Variants in ACTR3C observed in about 807,000 individuals in gnomAD.
ACTR3C encodes the protein actin-related protein 3C.
ACTR3C carries 18 observed loss-of-function variants against 26.3 expected under a neutral mutation model. The observed-to-expected ratio is 0.68, with a 90% CI of 0.47 to 1.01. The LOEUF (loss-of-function observed/expected upper bound fraction) is 1.01, where lower values mean the gene tolerates loss of function less well. ACTR3C is among the 50% of genes least tolerant of loss of function. The pLI, the probability that ACTR3C is intolerant of heterozygous loss-of-function variation, is 0.00. For missense variants in ACTR3C, 184 were observed against 250.7 expected (o/e 0.73, Z 1.80); for synonymous variants, 55 against 94.5 (o/e 0.58, Z 2.42).
chr7:149,904,651 G>T, the ACTR3C span, among the ~76,000 whole-genome samples: 1 of 138,876 alleles, frequency 7.2e-6, no homozygotes, highest in Non-Finnish European at 1.6e-5. Flanking sequence ...TACTCAATTC[G>T]TATCCACGAA....
chr7:149,989,684 T>G, the ACTR3C span, among the ~76,000 whole-genome samples: 1 of 152,222 alleles, frequency 6.6e-6, no homozygotes, highest in African/African-American at 2.4e-5. Context: ...CATCTGTGGA[T>G]GAGCACAGGG....
the ACTR3C span, among the ~76,000 whole-genome samples, chr7:150,015,024 A>C: frequency 6.6e-6 from 1 of 152,290 alleles, no homozygotes; most frequent in African/African-American, 2.4e-5. Flanking sequence ...CCTATGATAC[A>C]ATGGCTCTGA....
chr7:150,035,524 TG>T, the ACTR3C span, among the ~76,000 whole-genome samples: 12 of 87,924 alleles, frequency 1.4e-4, no homozygotes, highest in South Asian at 3.8e-4. Flanking sequence ...CCCACTCTCG[TG>T]GGGGGTGCCT....
At chr7:150,318,441 T>C (rs1464443596) in intron 1 of ACTR3C, among the ~76,000 whole-genome samples, 1 of 152,204 alleles carries the variant, frequency 6.6e-6, no homozygotes, top group East Asian at 1.9e-4. Context: ...ACTGCAGTCC[T>C]GGAAAACTAA....
At chr7:149,984,566 T>A in the ACTR3C span, among the ~76,000 whole-genome samples, 13,714 of 151,130 alleles carry the variant, frequency 0.091, 771 homozygotes, top group Non-Finnish European at 0.13. Flanking sequence ...TCCTTATTCC[T>A]CCACTGTTGA....
At chr7:150,251,441 A>G (rs1174315466) in intron 6 of ACTR3C, among the ~76,000 whole-genome samples, 3 of 152,194 alleles carry the variant, frequency 2.0e-5, no homozygotes, top group Non-Finnish European at 4.4e-5. Flanking sequence ...TTAATTTAAT[A>G]AAAATGCTTT....
chr7:150,241,377 G>A (rs1460528877), downstream of ACTR3C, among the ~76,000 whole-genome samples: 1 of 152,114 alleles, frequency 6.6e-6, no homozygotes, highest in Non-Finnish European at 1.5e-5. Flanking sequence ...GTCATCAATT[G>A]ATTTTCAACA....
At chr7:149,910,316 C>A in the ACTR3C span, among the ~76,000 whole-genome samples, 1 of 152,200 alleles carries the variant, frequency 6.6e-6, no homozygotes, top group African/African-American at 2.4e-5. Context: ...AATCATCTGA[C>A]AAGAGCATCT....
the ACTR3C span, among the ~76,000 whole-genome samples, chr7:149,982,590 G>A: frequency 6.6e-6 from 1 of 152,190 alleles, no homozygotes; most frequent in East Asian, 1.9e-4. Context: ...GCATGACAGG[G>A]CCATGATTCT....
the ACTR3C span, among the ~76,000 whole-genome samples, chr7:150,004,185 A>G: frequency 6.6e-6 from 1 of 150,540 alleles, no homozygotes; most frequent in Non-Finnish European, 1.5e-5. Context: ...ATGATGTCAT[A>G]TGTAGCATGT....
At chr7:150,085,025 C>T in the ACTR3C span, among the ~76,000 whole-genome samples, 2,612 of 152,232 alleles carry the variant, frequency 0.017, 79 homozygotes, top group African/African-American at 0.059. Flanking sequence ...GAACGAATGA[C>T]AACCCCAGGG....
At chr7:150,034,334 C>T in the ACTR3C span, among the ~76,000 whole-genome samples, 1 of 151,650 alleles carries the variant, frequency 6.6e-6, no homozygotes, top group Admixed American at 6.6e-5. Flanking sequence ...GTCCAGCTGC[C>T]ATCTTTTCTC....
the ACTR3C span, among the ~76,000 whole-genome samples, chr7:150,168,639 A>G: frequency 6.6e-6 from 1 of 150,778 alleles, no homozygotes; most frequent in Non-Finnish European, 1.5e-5. Context: ...CTTCAATAAA[A>G]CCAGTCCCTG....
the ACTR3C span, among the ~76,000 whole-genome samples, chr7:150,124,851 C>T: frequency 3.3e-5 from 5 of 152,248 alleles, no homozygotes; most frequent in African/African-American, 1.2e-4. Flanking sequence ...TGTTAAAGAG[C>T]TTTTCAATTA....
At chr7:150,317,831 A>C (rs1482291572) in intron 1 of ACTR3C, among the ~76,000 whole-genome samples, 2 of 152,140 alleles carry the variant, frequency 1.3e-5, no homozygotes, top group African/African-American at 4.8e-5. Flanking sequence ...GAAATGGATT[A>C]TGACTTTTCT....
At chr7:150,228,265 G>A in the ACTR3C span, among the ~76,000 whole-genome samples, 5 of 152,218 alleles carry the variant, frequency 3.3e-5, no homozygotes, top group Admixed American at 6.5e-5. Context: ...TGGTGATGCC[G>A]TAAGTGGTGT....
chr7:150,199,725 C>A, the ACTR3C span, among the ~76,000 whole-genome samples: 698 of 85,806 alleles, frequency 8.1e-3, no homozygotes, highest in Middle Eastern at 0.037. Flanking sequence ...ATATTTTTAT[C>A]AAAAAAAAAA....
the ACTR3C span, among the ~76,000 whole-genome samples, chr7:150,017,179 C>T: frequency 2.4e-4 from 36 of 152,040 alleles, no homozygotes; most frequent in South Asian, 5.8e-3. Context: ...CTTGACTTCC[C>T]TTGTACTCCT....
the ACTR3C span, among the ~76,000 whole-genome samples, chr7:150,154,261 C>G: frequency 6.6e-6 from 1 of 152,128 alleles, no homozygotes; most frequent in Non-Finnish European, 1.5e-5. Flanking sequence ...CACTCTGATG[C>G]AGGATTCCAG....
Sources: allele counts gnomAD v4.1 joint callset (sites outside exome capture counted in the v4.1 genomes callset), GRCh38; gene constraint gnomAD v4.1.1; transcripts MANE v1.5; gene names NCBI Gene and HGNC (gene_info 2026-07-23, HGNC 2026-07-21).